Variants in QKI observed in about 807,000 individuals in gnomAD.
QKI encodes the protein QKI, KH domain containing RNA binding.
Under a neutral mutation model 39.0 loss-of-function variants are expected in QKI, and 10 were observed. The ratio of observed to expected loss-of-function variants is 0.26; its 90% confidence interval spans 0.16 to 0.43. QKI has a LOEUF of 0.43. QKI is among the 20% of genes least tolerant of loss of function. The pLI is 1.00. For missense variants in QKI, 218 were observed against 428.0 expected, an observed-to-expected ratio of 0.51 and a Z score of 4.33; for synonymous variants, 204 against 155.4, an observed-to-expected ratio of 1.31 and a Z score of -2.33.
At chr6:163,427,659 G>A (rs904843609) in intron 1 of QKI, among the ~76,000 whole-genome samples, 5 of 152,076 alleles carry the variant, frequency 3.3e-5, no homozygotes, top group Middle Eastern at 3.4e-3. Context: ...TGTCAGGTGC[G>A]TGCGTGTGTG....
At chr6:163,447,372 C>T (rs1790237219) in intron 1 of QKI, among the ~76,000 whole-genome samples, 1 of 150,946 alleles carries the variant, frequency 6.6e-6, no homozygotes, top group Non-Finnish European at 1.5e-5. Flanking sequence ...CAAGTTCTCT[C>T]TTCTAGCTAC....
At chr6:163,493,072 G>A (rs1778163362) in intron 3 of QKI, among the ~76,000 whole-genome samples, 1 of 151,024 alleles carries the variant, frequency 6.6e-6, no homozygotes, top group South Asian at 2.1e-4. Flanking sequence ...TGAGATCTAT[G>A]TATTTGTGAC....
intron 2 of QKI, among the ~76,000 whole-genome samples, chr6:163,464,886 A>G (rs1583034964): frequency 6.6e-6 from 1 of 152,216 alleles, no homozygotes; most frequent in Non-Finnish European, 1.5e-5. Flanking sequence ...TTGTAAGAAA[A>G]TAAAGTTACA....
At chr6:163,496,178 CCTT>C (rs1240291131) in intron 3 of QKI, among the ~76,000 whole-genome samples, 4 of 152,254 alleles carry the variant, frequency 2.6e-5, no homozygotes, top group Admixed American at 1.3e-4. Flanking sequence ...GAGTCTCTCT[CCTT>C]GACTTTTACA....
At chr6:163,523,070 C>A (rs1780258222) in intron 3 of QKI, among the ~76,000 whole-genome samples, 1 of 152,120 alleles carries the variant, frequency 6.6e-6, no homozygotes, top group Non-Finnish European at 1.5e-5. Flanking sequence ...AGGCTGTGAT[C>A]TTTTGCTCGA....
chr6:163,447,996 T>A (rs1353619500), intron 1 of QKI, among the ~76,000 whole-genome samples: 1 of 152,194 alleles, frequency 6.6e-6, no homozygotes, highest in Non-Finnish European at 1.5e-5. Flanking sequence ...ACCAAAAAAA[T>A]GTATACTTAA....
intron 3 of QKI, among the ~76,000 whole-genome samples, chr6:163,479,930 A>G (rs1175193659): frequency 6.6e-6 from 1 of 152,368 alleles, no homozygotes; most frequent in South Asian, 2.1e-4. Context: ...AAGGAAGGCT[A>G]TCACTAGCCA....
intron 4 of QKI, among the ~76,000 whole-genome samples, chr6:163,554,572 T>G (rs1782465675): frequency 6.6e-6 from 1 of 152,264 alleles, no homozygotes; most frequent in South Asian, 2.1e-4. Flanking sequence ...ACATCTCCAC[T>G]TAGGTGTTTA....
chr6:163,535,702 G>A (rs1175435285), intron 4 of QKI, among the ~76,000 whole-genome samples: 2 of 151,852 alleles, frequency 1.3e-5, no homozygotes, highest in African/African-American at 2.4e-5. Context: ...AGGCTGAGGC[G>A]GTTGGATCAC....
chr6:163,474,062 A>G (rs1792395937), intron 2 of QKI, among the ~76,000 whole-genome samples: 2 of 152,218 alleles, frequency 1.3e-5, no homozygotes, highest in Admixed American at 1.3e-4. Flanking sequence ...GTTGAAATCC[A>G]CTGCAATAAC....
chr6:163,479,698 C>T (rs1454641521), intron 3 of QKI, among the ~76,000 whole-genome samples: 1 of 152,216 alleles, frequency 6.6e-6, no homozygotes, highest in Non-Finnish European at 1.5e-5. Context: ...TCATTTTTTA[C>T]TTAGCAAATT....
intron 1 of QKI, among the ~76,000 whole-genome samples, chr6:163,450,337 C>T (rs529091959): frequency 2.6e-5 from 4 of 152,190 alleles, no homozygotes; most frequent in Admixed American, 6.5e-5. Flanking sequence ...GGATTACAGG[C>T]GTGATCCACC....
At chr6:163,522,027 C>T (rs1412102161) in intron 3 of QKI, among the ~76,000 whole-genome samples, 1 of 152,188 alleles carries the variant, frequency 6.6e-6, no homozygotes, top group African/African-American at 2.4e-5. Context: ...CAGGAAAGAA[C>T]AGAGATAGGA....
intron 1 of QKI, among the ~76,000 whole-genome samples, chr6:163,441,309 A>G (rs1054833228): frequency 2.6e-5 from 4 of 152,194 alleles, no homozygotes; most frequent in African/African-American, 4.8e-5. Flanking sequence ...AGCACTGTGC[A>G]TTTATATTAC....
chr6:163,501,812 C>T (rs971886101), intron 3 of QKI, among the ~76,000 whole-genome samples: 1 of 152,144 alleles, frequency 6.6e-6, no homozygotes. Flanking sequence ...TGACAGCACT[C>T]AATTAAAACT....
chr6:163,556,583 TAAAA>T (rs1562540904), intron 4 of QKI, among the ~76,000 whole-genome samples: 2 of 151,330 alleles, frequency 1.3e-5, no homozygotes, highest in South Asian at 4.2e-4. Context: ...ATGCATAAAT[TAAAA>T]TATATATATT....
chr6:163,563,825 G>A, intron 6 of QKI, 106 bp downstream of exon 6: 1 of 1,500,990 alleles, frequency 6.7e-7, no homozygotes, highest in South Asian at 1.4e-5. Flanking sequence ...AGACAAGTTT[G>A]CATTAGGGAA....
At position 163,487,428 on chromosome 6, in the gene QKI, G is replaced by A. The variant is rs2294708; in HGVS notation, c.402+8532G>A. Among the ~76,000 whole-genome samples, 506 of 152,206 alleles carry A rather than the reference G, an allele frequency of 3.3e-3. 22 individuals are homozygous for A. The East Asian group carries it at 0.077, about 23-fold the overall frequency. On this transcript the variant is annotated intron_variant, in intron 3 of 7. Transcript: ENST00000361752. ...TCTAAAATAGAACTCTAATGATAAC[G>A]TGTTTGTGTTTTAATATCTAGAAAA... is the stretch of plus-strand genomic sequence containing the variant.
chr6:163,422,167 C>A (rs1013822160), intron 1 of QKI, among the ~76,000 whole-genome samples: 28 of 152,104 alleles, frequency 1.8e-4, no homozygotes, highest in African/African-American at 5.8e-4. Context: ...AGAATTCTTA[C>A]AATTAGCAAG....
Sources: gnomAD v4.1 joint callset for allele counts (sites outside exome capture counted in the v4.1 genomes callset) on GRCh38, gnomAD v4.1.1 for gene constraint, MANE v1.5 for transcripts, NCBI Gene and HGNC (gene_info 2026-07-23, HGNC 2026-07-21) for gene names.